The following SETX variants were observed in gnomAD, a reference collection of about 807,000 sequenced individuals.
SETX encodes the protein senataxin.
Under a neutral mutation model 227.2 loss-of-function variants are expected in SETX, and 90 were observed. That is an observed-to-expected ratio of 0.40 (90% CI 0.33 to 0.47). The LOEUF (loss-of-function observed/expected upper bound fraction) is 0.47. Ranked by LOEUF, SETX falls within the 20% of genes least tolerant of loss-of-function variation. The pLI, the probability that SETX is intolerant of heterozygous loss-of-function variation, is 0.91. For synonymous variants in SETX, 1,210 were observed against 1,113.2 expected (o/e 1.09, Z -1.73); for missense variants, 3,052 against 3,181.5 (o/e 0.96, Z 0.98).
At chr9:132,286,333 T>G in intron 18 of SETX, 90 bp downstream of exon 18, 1 of 930,900 alleles carries the variant, frequency 1.1e-6, no homozygotes. Context: ...AATAAATAAA[T>G]AAAAGCCCAT....
In SETX at chr9:132,281,519, T is replaced by C; in HGVS notation, c.6602A>G (p.Lys2201Arg). The change falls in exon 20 of 26, where the codon AAG (lysine) becomes AGG (arginine). Residue 2201 changes from lysine (K) to arginine (R), a missense_variant. Around this residue, in one of 10 missense-constraint regions of SETX, gnomAD observed 412 missense variants for 589.0 expected, o/e 0.70. Coordinates refer to ENST00000224140, the MANE Select transcript of SETX (RefSeq NM_015046.7). ...CTTAGGATCTCCTACTAGGATGAGCTTATTGCAGCGATGGATGAGTGGAGT... is the reference window on the plus strand; with the variant it reads ...CTTAGGATCTCCTACTAGGATGAGCCTATTGCAGCGATGGATGAGTGGAGT... Reference protein sequence around the residue: ...TLTPLIHRCNKLILVGDPKQL... With the variant: ...TLTPLIHRCNRLILVGDPKQL... 1 of 1,614,058 alleles carries C rather than the reference T, an allele frequency of 6.2e-7. No homozygotes were observed. Among genetic ancestry groups the C allele is most frequent in the Non-Finnish European group, 8.5e-7 (1 of 1,179,962 alleles).
At position 132,275,256 on chromosome 9, in the gene SETX, C is replaced by T. The variant is rs757877325; in HGVS notation, c.7100G>A (p.Gly2367Glu). The T allele has an allele frequency of 6.2e-7, 1 of 1,613,826 alleles. No individual in the cohort carries two copies. The highest frequency in any genetic ancestry group is 8.5e-7 in the Non-Finnish European group (1 of 1,179,820). ...GGAAATATTTATAAAAATGCCTCACCCTTTTCTATCGAACTCTTTGTCCAA... is the reference window on the plus strand; with the variant it reads ...GGAAATATTTATAAAAATGCCTCACTCTTTTCTATCGAACTCTTTGTCCAA... The part of the protein sequence containing the change: ...KDLDKEFDRK[G>E]PAEVDTVDAF... The change falls in exon 23 of 26, where the codon GGA becomes GAA. Residue 2367 changes from glycine to glutamate, a missense_variant and splice_region_variant. By Grantham distance (98) the Gly-to-Glu change is moderately conservative. Transcript: ENST00000224140.
chr9:132,331,503 C>T lies in SETX; in HGVS notation c.839-55G>A, dbSNP rs529992942. The T allele has an allele frequency of 4.5e-6, 7 of 1,557,138 alleles. No homozygotes were observed. The East Asian group carries it at 1.1e-4, about 26-fold the overall frequency. On this transcript the variant is annotated intron_variant, in intron 7 of 25. Transcript: ENST00000224140. ...ACTAAACAGTTAGAAAAACATACTA[C>T]AATATATTGAGAATTAAGCATATTC...
chr9:132,321,653 TC>T (rs1846345793), intron 10 of SETX, among the ~76,000 whole-genome samples: 1 of 15,740 alleles, frequency 6.4e-5, no homozygotes, highest in Admixed American at 9.4e-4. Flanking sequence ...CGATACTGTC[TC>T]AAAAAAAAAA....
intron 2 of SETX, among the ~76,000 whole-genome samples, chr9:132,350,325 G>A (rs1015964505): frequency 6.6e-6 from 1 of 152,132 alleles, no homozygotes. Context: ...ACTCCAGCCT[G>A]GGTGACAGAG....
At chr9:132,346,806 A>C (rs1257177179) in intron 3 of SETX, among the ~76,000 whole-genome samples, 2 of 151,972 alleles carry the variant, frequency 1.3e-5, no homozygotes, top group Non-Finnish European at 2.9e-5. Flanking sequence ...AAAAATAGAA[A>C]AATTAGCTAG....
intron 10 of SETX, among the ~76,000 whole-genome samples, chr9:132,324,862 T>C (rs998102198): frequency 1.3e-5 from 2 of 152,248 alleles, no homozygotes; most frequent in African/African-American, 4.8e-5. Context: ...TCCCACTTCT[T>C]ACCTGCCTTG....
At position 132,322,025 on chromosome 9, in the gene SETX, T is replaced by C. The variant is rs149881832; in HGVS notation, c.5274+4299A>G. ...ATAACTGCACCTAAGCACAAAACCTTACCATGAAGAATGAAACTAATGCTG... is the reference window on the plus strand; with the variant it reads ...ATAACTGCACCTAAGCACAAAACCTCACCATGAAGAATGAAACTAATGCTG... On this transcript the variant is annotated intron_variant, in intron 10 of 25. Coordinates refer to ENST00000224140, the MANE Select transcript of SETX (RefSeq NM_015046.7). 4.6e-5 allele frequency among the ~76,000 whole-genome samples: 7 copies of C among 152,234 alleles called. No homozygotes were observed. The East Asian group carries it at 1.4e-3, about 29-fold the overall frequency.
intron 12 of SETX, 30 bp downstream of exon 12, chr9:132,300,600 T>A: frequency 6.2e-7 from 1 of 1,605,884 alleles, no homozygotes; most frequent in Non-Finnish European, 8.5e-7. Context: ...GTATCTGACA[T>A]TTCCTGTCAA....
chr9:132,274,617 T>A (rs956220487), intron 23 of SETX, among the ~76,000 whole-genome samples: 3 of 147,152 alleles, frequency 2.0e-5, no homozygotes, highest in African/African-American at 8.1e-5. Flanking sequence ...AATTTTTGTA[T>A]TTTTTTTCAG....
chr9:132,316,253 C>T (rs1486868923), intron 10 of SETX, among the ~76,000 whole-genome samples: 1 of 152,152 alleles, frequency 6.6e-6, no homozygotes, highest in Admixed American at 6.6e-5. Flanking sequence ...TACTTATTAC[C>T]ACCAAGTTTT....
chr9:132,271,029 A>C (rs1347338909), intron 24 of SETX, among the ~76,000 whole-genome samples: 3 of 152,230 alleles, frequency 2.0e-5, no homozygotes. Context: ...AGAAACAAAT[A>C]ATCATGTAAG....
chr9:132,285,795 A>G (rs1163665634), intron 18 of SETX, among the ~76,000 whole-genome samples: 51 of 142,506 alleles, frequency 3.6e-4, no homozygotes, highest in Middle Eastern at 8.7e-3. Flanking sequence ...CAGGAGAATC[A>G]CTTGAACCTG....
chr9:132,333,408 AATATAT>A (rs773749543), intron 7 of SETX, among the ~76,000 whole-genome samples: 4 of 72,232 alleles, frequency 5.5e-5, no homozygotes, highest in African/African-American at 2.4e-4. Flanking sequence ...GAAAAAAAAA[AATATAT>A]ATACACACAC....
chr9:132,351,080 T>C (rs1848577718), intron 2 of SETX, among the ~76,000 whole-genome samples: 1 of 152,240 alleles, frequency 6.6e-6, no homozygotes, highest in South Asian at 2.1e-4. Flanking sequence ...AATTATTTTA[T>C]TCAAAAGAAG....
In SETX at chr9:132,329,541, C is replaced by T; in HGVS notation, c.2057G>A (p.Gly686Glu). The change falls in exon 10 of 26, where the codon GGG becomes GAG. Residue 686 changes from glycine to glutamate, a missense_variant. By Grantham distance (98) the Gly-to-Glu change is moderately conservative. Coordinates refer to ENST00000224140, the MANE Select transcript of SETX (RefSeq NM_015046.7). ...DVKLEDHLLA[G>E]SCLKQSSKNI... The stretch of plus-strand genomic sequence containing the variant: ...TTTACTACTCTGCTTTAAGCATGAC[C>T]CAGCTAAGAGATGGTCCTCTAGTTT... 1 of 1,613,162 alleles carries T rather than the reference C, an allele frequency of 6.2e-7. No homozygotes were observed. The highest frequency in any genetic ancestry group is 8.5e-7 in the Non-Finnish European group (1 of 1,179,966).
intron 11 of SETX, among the ~76,000 whole-genome samples, chr9:132,307,181 G>A (rs147889837): frequency 1.3e-5 from 2 of 152,124 alleles, no homozygotes; most frequent in East Asian, 3.9e-4. Context: ...CTTGAACTCG[G>A]GAGACAGAAG....
At chr9:132,337,310 A>G (rs979047194) in intron 5 of SETX, among the ~76,000 whole-genome samples, 1 of 152,034 alleles carries the variant, frequency 6.6e-6, no homozygotes, top group Non-Finnish European at 1.5e-5. Context: ...CAAAAAAGGA[A>G]AGAAAACACA....
At chr9:132,288,930 T>C (rs1471827782) in intron 15 of SETX, among the ~76,000 whole-genome samples, 1 of 152,200 alleles carries the variant, frequency 6.6e-6, no homozygotes, top group African/African-American at 2.4e-5. Flanking sequence ...TGAGATTCTA[T>C]TACAGTAACA....
Sources: allele counts gnomAD v4.1 joint callset (sites outside exome capture counted in the v4.1 genomes callset), GRCh38; gene constraint gnomAD v4.1.1; regional missense constraint gnomAD v4.1.1; transcripts MANE v1.5; gene names NCBI Gene and HGNC (gene_info 2026-07-23, HGNC 2026-07-21).